Variants in PTPRM observed in about 807,000 individuals in gnomAD.
PTPRM encodes the protein protein tyrosine phosphatase receptor type M, also known as receptor-type tyrosine-protein phosphatase mu.
A neutral mutation model predicts 186.7 loss-of-function variants in PTPRM; 47 were observed. That is an observed-to-expected ratio of 0.25 (90% CI 0.20 to 0.32). The LOEUF is 0.32. PTPRM is among the 10% of genes least tolerant of loss of function. PTPRM has a pLI of 1.00. For missense variants in PTPRM, 1,494 were observed against 1,865.0 expected, an observed-to-expected ratio of 0.80 and a Z score of 3.66; for synonymous variants, 668 against 674.9, an observed-to-expected ratio of 0.99 and a Z score of 0.16.
intron 1 of PTPRM, among the ~76,000 whole-genome samples, chr18:7,679,865 A>G (rs560022294): frequency 2.5e-4 from 38 of 151,932 alleles, no homozygotes; most frequent in Non-Finnish European, 4.9e-4. Context: ...TTTTTGAAAA[A>G]AAAAATATTT....
intron 19 of PTPRM, among the ~76,000 whole-genome samples, chr18:8,272,472 G>T (rs965386168): frequency 4.0e-5 from 6 of 151,544 alleles, no homozygotes; most frequent in African/African-American, 1.2e-4. Flanking sequence ...AGTAACACTT[G>T]CCCTGCATCC....
Position 8,017,582 on chromosome 18 carries a change from C to CAAAAA in PTPRM, c.1133-52084_1133-52080dup, listed in dbSNP as rs71354586. On this transcript the variant is annotated intron_variant, in intron 7 of 32. Transcript: ENST00000580170. ...TGGGCAACAGAGTAAGACTCCTTCT[C>CAAAAA]AAAAAAAAAAAAAAAAAAAAAAAAT... 6.7e-3 allele frequency among the ~76,000 whole-genome samples: 431 copies of CAAAAA among 64,602 alleles called. 13 individuals carry two copies. Among genetic ancestry groups the CAAAAA allele is most frequent in the East Asian group, 0.029 (58 of 2,032 alleles). The allele number at this position is 64,602 out of a possible 152,430, so 42.4% of individuals were successfully genotyped here. A position where few individuals can be genotyped will look rare whatever the true frequency, so the allele number is the denominator to read the frequency against.
chr18:8,288,241 C>T (rs919542776), intron 19 of PTPRM, among the ~76,000 whole-genome samples: 1 of 152,122 alleles, frequency 6.6e-6, no homozygotes, highest in African/African-American at 2.4e-5. Flanking sequence ...GTGATGAGCC[C>T]TTGAGAGCCC....
At chr18:8,259,044 G>A (rs949855287) in intron 19 of PTPRM, among the ~76,000 whole-genome samples, 6 of 152,114 alleles carry the variant, frequency 3.9e-5, no homozygotes, top group African/African-American at 1.4e-4. Flanking sequence ...TCTACCTCTG[G>A]ATTAAAGCGA....
chr18:7,688,719 C>T (rs186006876), intron 1 of PTPRM, among the ~76,000 whole-genome samples: 25 of 152,272 alleles, frequency 1.6e-4, no homozygotes, highest in Admixed American at 6.5e-4. Flanking sequence ...TCTCTCATCC[C>T]GTGCGTTTGA....
At chr18:8,356,096 G>A (rs1291745851) in intron 23 of PTPRM, among the ~76,000 whole-genome samples, 1 of 152,218 alleles carries the variant, frequency 6.6e-6, no homozygotes, top group Admixed American at 6.5e-5. Flanking sequence ...TGAAATGGAT[G>A]TTGACAGACC....
intron 20 of PTPRM, among the ~76,000 whole-genome samples, chr18:8,298,365 T>G (rs2095119266): frequency 6.6e-6 from 1 of 152,228 alleles, no homozygotes; most frequent in South Asian, 2.1e-4. Context: ...GAGACATTGC[T>G]GAGCCTATAA....
chr18:8,126,027 A>ATATATATATTTTT (rs57751538), intron 13 of PTPRM, among the ~76,000 whole-genome samples: 70 of 69,494 alleles, frequency 1.0e-3, no homozygotes, highest in East Asian at 2.8e-3. Context: ...ATATATATAT[A>ATATATATATTTTT]TTTTAAATCA....
In PTPRM at chr18:8,094,242, C is replaced by T. The variant is rs566230724; in HGVS notation, c.1856+5391C>T. Among the ~76,000 whole-genome samples the T allele has an allele frequency of 2.9e-4, 44 of 152,114 alleles. No homozygotes were observed. In the South Asian group the frequency reaches 7.5e-3, roughly 26 times the overall value. On this transcript the variant is annotated intron_variant, in intron 11 of 32. Transcript: ENST00000580170. ...AAATATTCTGGCCAGGTGCAGTGGCCCATGACTGTAATCCTAACACTTCGG... is the reference window on the plus strand; with the variant it reads ...AAATATTCTGGCCAGGTGCAGTGGCTCATGACTGTAATCCTAACACTTCGG...
chr18:8,323,090 A>G (rs985547915), intron 22 of PTPRM, among the ~76,000 whole-genome samples: 8 of 152,114 alleles, frequency 5.3e-5, no homozygotes, highest in African/African-American at 1.9e-4. Flanking sequence ...TGGCCTCCCA[A>G]AGCGCTGGGA....
chr18:7,696,795 A>C (rs576773803), intron 1 of PTPRM, among the ~76,000 whole-genome samples: 37 of 152,330 alleles, frequency 2.4e-4, no homozygotes, highest in Non-Finnish European at 5.3e-4. Context: ...TTAACACATC[A>C]AACTTGACTA....
Position 8,331,626 on chromosome 18 carries a change from A to G in PTPRM, c.2957-11797A>G, listed in dbSNP as rs2095412712. On this transcript the variant is annotated intron_variant, in intron 22 of 32. Coordinates refer to ENST00000580170, the MANE Select transcript of PTPRM (RefSeq NM_001105244.2). Reference sequence around the variant, plus strand: ...TAGCAGAGAAGCAGTTCAGGTTTTAACCCTAGTATAATGTATACTCATATA... The same window carrying G: ...TAGCAGAGAAGCAGTTCAGGTTTTAGCCCTAGTATAATGTATACTCATATA... Among the ~76,000 whole-genome samples, 4 of 152,216 alleles carry G rather than the reference A, an allele frequency of 2.6e-5. No homozygotes were observed. In the South Asian group the frequency reaches 8.3e-4, roughly 31 times the overall value.
At chr18:8,034,373 A>G (rs1285955116) in intron 7 of PTPRM, among the ~76,000 whole-genome samples, 1 of 152,266 alleles carries the variant, frequency 6.6e-6, no homozygotes, top group East Asian at 1.9e-4. Context: ...ACCAAGTTTC[A>G]TCATCTAAAT....
At chr18:8,021,340 ACACACAC>A (rs2085214921) in intron 7 of PTPRM, among the ~76,000 whole-genome samples, 1 of 151,802 alleles carries the variant, frequency 6.6e-6, no homozygotes, top group Admixed American at 6.6e-5. Flanking sequence ...ACACACACAC[ACACACAC>A]ACACACACAC....
intron 5 of PTPRM, among the ~76,000 whole-genome samples, chr18:7,939,516 A>C (rs148558941): frequency 2.6e-5 from 4 of 152,192 alleles, no homozygotes; most frequent in Non-Finnish European, 4.4e-5. Flanking sequence ...AATAACTATC[A>C]GTACTTTTTT....
chr18:8,251,607 C>T (rs1388094096), intron 17 of PTPRM: 2 of 152,186 alleles, frequency 1.3e-5, no homozygotes, highest in Non-Finnish European at 1.5e-5. Context: ...GTCTTTGTGT[C>T]TTTAGCCACG....
At chr18:8,377,339 G>T (rs1255050845) in intron 26 of PTPRM, 2 of 152,082 alleles carry the variant, frequency 1.3e-5, no homozygotes, top group Non-Finnish European at 2.9e-5. Flanking sequence ...CATTTTTTTA[G>T]CTAACATAAA....
At chr18:7,617,901 C>T (rs1237585110) in intron 1 of PTPRM, among the ~76,000 whole-genome samples, 2 of 152,048 alleles carry the variant, frequency 1.3e-5, no homozygotes, top group Admixed American at 6.6e-5. Flanking sequence ...TGGAATGCTG[C>T]CCTGGACTTT....
At chr18:8,371,692 T>G (rs1420189956) in intron 24 of PTPRM, 4 of 152,178 alleles carry the variant, frequency 2.6e-5, no homozygotes, top group Non-Finnish European at 5.9e-5. Flanking sequence ...GGATGGGGCT[T>G]CTTCTCTGGG....
Sources: allele counts gnomAD v4.1 joint callset (sites outside exome capture counted in the v4.1 genomes callset), GRCh38; gene constraint gnomAD v4.1.1; transcripts MANE v1.5; gene names NCBI Gene and HGNC (gene_info 2026-07-23, HGNC 2026-07-21).